Variants in SLC24A3 observed in about 807,000 individuals in gnomAD.
SLC24A3 encodes the protein solute carrier family 24 member 3.
Under a neutral mutation model 75.8 loss-of-function variants are expected in SLC24A3, and 28 were observed. The ratio of observed to expected loss-of-function variants is 0.37; its 90% CI spans 0.27 to 0.51. SLC24A3 has a LOEUF of 0.51. Among genes scored for constraint, SLC24A3 ranks in the 20% least tolerant of loss-of-function variants. The probability of loss-of-function intolerance (pLI) is 0.94; values close to 1 mark genes in which losing one functional copy is unlikely to be tolerated. For synonymous variants in SLC24A3, 372 were observed against 334.1 expected, an observed-to-expected ratio of 1.11 and a Z score of -1.24; for missense variants, 663 against 847.8, an observed-to-expected ratio of 0.78 and a Z score of 2.71.
At chr20:19,254,999 G>A (rs949769920) in intron 1 of SLC24A3, among the ~76,000 whole-genome samples, 9 of 152,342 alleles carry the variant, frequency 5.9e-5, no homozygotes, top group South Asian at 2.1e-4. Flanking sequence ...TTCCAGTACT[G>A]TATACAAAAG....
chr20:19,565,267 G>C (rs550589117), intron 3 of SLC24A3, among the ~76,000 whole-genome samples: 1 of 152,186 alleles, frequency 6.6e-6, no homozygotes, highest in East Asian at 1.9e-4. Context: ...TTCCTTGTTT[G>C]TGTGTCTATC....
At chr20:19,481,525 A>G (rs983798786) in intron 2 of SLC24A3, among the ~76,000 whole-genome samples, 6 of 152,212 alleles carry the variant, frequency 3.9e-5, no homozygotes, top group African/African-American at 1.4e-4. Context: ...GAGATTCAGG[A>G]AAATTCACAA....
At chr20:19,474,464 C>G (rs6112402) in intron 2 of SLC24A3, among the ~76,000 whole-genome samples, 4,121 of 152,242 alleles carry the variant, frequency 0.027, 70 homozygotes, top group Middle Eastern at 0.051. Context: ...AAAAGAATCA[C>G]CTCTCATGGG....
intron 2 of SLC24A3, among the ~76,000 whole-genome samples, chr20:19,419,282 G>A (rs952820600): frequency 6.6e-6 from 1 of 151,986 alleles, no homozygotes; most frequent in African/African-American, 2.4e-5. Flanking sequence ...GTGCTTCCTG[G>A]TGGAAGTACA....
At chr20:19,333,317 T>TGGG (rs1324487120) in intron 2 of SLC24A3, among the ~76,000 whole-genome samples, 95 of 152,280 alleles carry the variant, frequency 6.2e-4, no homozygotes, top group African/African-American at 2.2e-3. Context: ...GGACTTAATA[T>TGGG]TTATCTGCCC....
At chr20:19,490,187 C>T (rs1408200586) in intron 2 of SLC24A3, among the ~76,000 whole-genome samples, 2 of 152,182 alleles carry the variant, frequency 1.3e-5, no homozygotes, top group Non-Finnish European at 2.9e-5. Flanking sequence ...CCATCTTTCA[C>T]TCTAGATGGT....
chr20:19,447,227 G>T (rs1987402260), intron 2 of SLC24A3, among the ~76,000 whole-genome samples: 1 of 152,148 alleles, frequency 6.6e-6, no homozygotes, highest in Non-Finnish European at 1.5e-5. Context: ...ATGAGATAAT[G>T]AATCCAAATG....
intron 2 of SLC24A3, among the ~76,000 whole-genome samples, chr20:19,288,635 A>G (rs1057167516): frequency 2.6e-5 from 4 of 152,198 alleles, no homozygotes; most frequent in African/African-American, 9.6e-5. Context: ...GGTCAGGAAA[A>G]ACGGTATGAT....
intron 2 of SLC24A3, among the ~76,000 whole-genome samples, chr20:19,402,183 A>G (rs1986564183): frequency 6.6e-6 from 1 of 152,238 alleles, no homozygotes. Flanking sequence ...TAATCTAAAG[A>G]TTAGACAGAA....
chr20:19,691,913 G>A (rs1374493499), intron 12 of SLC24A3, among the ~76,000 whole-genome samples: 4 of 152,134 alleles, frequency 2.6e-5, no homozygotes, highest in Admixed American at 2.6e-4. Context: ...CAACTCATAA[G>A]CCACAGAGCA....
intron 2 of SLC24A3, among the ~76,000 whole-genome samples, chr20:19,441,862 T>G (rs558632863): frequency 4.6e-5 from 7 of 152,312 alleles, no homozygotes; most frequent in African/African-American, 1.7e-4. Flanking sequence ...TGGAAACCAC[T>G]GATTTTTTTT....
At chr20:19,330,169 G>A (rs902342861) in intron 2 of SLC24A3, among the ~76,000 whole-genome samples, 1 of 152,184 alleles carries the variant, frequency 6.6e-6, no homozygotes, top group African/African-American at 2.4e-5. Context: ...GCAGGGATGC[G>A]GTGCTGTTGT....
At chr20:19,609,711 T>C (rs2031645847) in intron 6 of SLC24A3, among the ~76,000 whole-genome samples, 1 of 152,258 alleles carries the variant, frequency 6.6e-6, no homozygotes, top group African/African-American at 2.4e-5. Context: ...CATTCTTTAC[T>C]TATGCAACTT....
At chr20:19,349,473 A>G (rs1030016438) in intron 2 of SLC24A3, among the ~76,000 whole-genome samples, 16 of 152,134 alleles carry the variant, frequency 1.1e-4, no homozygotes, top group Admixed American at 3.3e-4. Flanking sequence ...GACTTCTCCA[A>G]TCCCTAAGAG....
chr20:19,287,631 C>T lies in SLC24A3; in HGVS notation c.271+6544C>T, dbSNP rs188819671. Among the ~76,000 whole-genome samples the T allele has an allele frequency of 1.1e-4, 17 of 152,326 alleles. No individual in the cohort carries two copies. In the East Asian group the frequency reaches 2.1e-3, roughly 19 times the overall value. On this transcript the variant is annotated intron_variant, in intron 2 of 16. Transcript: ENST00000328041. Reference sequence around the variant, plus strand: ...TTGCTTTAATCTTCATAACAATTCCCTCATCAAGTGAAACAATTTTATTCT... The same window carrying T: ...TTGCTTTAATCTTCATAACAATTCCTTCATCAAGTGAAACAATTTTATTCT...
At chr20:19,641,477 G>A (rs1314407954) in intron 6 of SLC24A3, among the ~76,000 whole-genome samples, 1 of 152,192 alleles carries the variant, frequency 6.6e-6, no homozygotes, top group Non-Finnish European at 1.5e-5. Flanking sequence ...AGCGCTGCTG[G>A]TGTGTGGACT....
chr20:19,356,771 G>C (rs926491418), intron 2 of SLC24A3, among the ~76,000 whole-genome samples: 1 of 152,052 alleles, frequency 6.6e-6, no homozygotes, highest in Non-Finnish European at 1.5e-5. Context: ...TCTTCCGATA[G>C]ATTTACACTT....
intron 6 of SLC24A3, among the ~76,000 whole-genome samples, chr20:19,639,674 A>T (rs1472080337): frequency 6.6e-6 from 1 of 152,166 alleles, no homozygotes; most frequent in Admixed American, 6.5e-5. Context: ...GGTGCCGAGG[A>T]GCAGGGGGCG....
At chr20:19,309,625 A>G (rs927356466) in intron 2 of SLC24A3, among the ~76,000 whole-genome samples, 4 of 152,190 alleles carry the variant, frequency 2.6e-5, no homozygotes, top group Non-Finnish European at 5.9e-5. Context: ...GGGAGGGATA[A>G]CAAGATGTTA....
Sources: allele counts gnomAD v4.1 joint callset (sites outside exome capture counted in the v4.1 genomes callset), GRCh38; gene constraint gnomAD v4.1.1; transcripts MANE v1.5; gene names NCBI Gene and HGNC (gene_info 2026-07-23, HGNC 2026-07-21).